The following TMEM132D variants were observed in gnomAD, a reference collection of about 807,000 sequenced individuals.
TMEM132D encodes the protein mature OL transmembrane protein.
TMEM132D carries 21 observed loss-of-function variants against 62.3 expected under a neutral mutation model. That is an observed-to-expected ratio of 0.34 (90% CI 0.24 to 0.49). The LOEUF (loss-of-function observed/expected upper bound fraction) is 0.49. TMEM132D is among the 20% of genes least tolerant of loss of function. TMEM132D has a pLI of 0.99. For missense variants in TMEM132D, 1,346 were observed against 1,402.8 expected (o/e 0.96, Z 0.65); for synonymous variants, 621 against 575.6 (o/e 1.08, Z -1.13).
chr12:129,498,546 A>G (rs1875032737), intron 3 of TMEM132D, among the ~76,000 whole-genome samples: 1 of 152,178 alleles, frequency 6.6e-6, no homozygotes, highest in African/African-American at 2.4e-5. Flanking sequence ...GAGCCTGTCC[A>G]AAATCTTTAT....
intron 5 of TMEM132D, among the ~76,000 whole-genome samples, chr12:129,170,833 A>C (rs1877703294): frequency 6.6e-6 from 1 of 152,164 alleles, no homozygotes; most frequent in Non-Finnish European, 1.5e-5. Flanking sequence ...ATTGATAAAA[A>C]TGCTAATGAT....
intron 2 of TMEM132D, among the ~76,000 whole-genome samples, chr12:129,608,062 C>G (rs1878676822): frequency 1.3e-5 from 2 of 152,110 alleles, no homozygotes; most frequent in Non-Finnish European, 2.9e-5. Flanking sequence ...TAACACATTG[C>G]AAGAAGAATA....
chr12:129,547,732 C>T (rs1876776404), intron 2 of TMEM132D, among the ~76,000 whole-genome samples: 1 of 152,152 alleles, frequency 6.6e-6, no homozygotes, highest in South Asian at 2.1e-4. Flanking sequence ...TCATAGTGTG[C>T]TGTTGGAGTG....
intron 4 of TMEM132D, among the ~76,000 whole-genome samples, chr12:129,222,593 G>T (rs1879377978): frequency 6.6e-6 from 1 of 152,118 alleles, no homozygotes; most frequent in Non-Finnish European, 1.5e-5. Flanking sequence ...ATATGATCAT[G>T]TTCCCCTTTT....
chr12:129,843,562 G>A (rs1261599625), intron 1 of TMEM132D, among the ~76,000 whole-genome samples: 1 of 152,184 alleles, frequency 6.6e-6, no homozygotes, highest in Non-Finnish European at 1.5e-5. Flanking sequence ...ATAACCTGCA[G>A]AAACAAAAAT....
intron 1 of TMEM132D, among the ~76,000 whole-genome samples, chr12:129,880,546 T>C (rs964719604): frequency 3.9e-5 from 6 of 152,162 alleles, no homozygotes; most frequent in African/African-American, 1.4e-4. Context: ...GTTTATAGCA[T>C]GCCCAAAAAT....
intron 3 of TMEM132D, among the ~76,000 whole-genome samples, chr12:129,503,171 C>A (rs1875209457): frequency 6.6e-6 from 1 of 152,202 alleles, no homozygotes; most frequent in Admixed American, 6.5e-5. Context: ...CAAACCTGTA[C>A]TTCCTTCCAG....
chr12:129,772,554 T>C (rs1870790239), intron 1 of TMEM132D, among the ~76,000 whole-genome samples: 1 of 152,174 alleles, frequency 6.6e-6, no homozygotes, highest in African/African-American at 2.4e-5. Flanking sequence ...CCATGAGTCA[T>C]AAATCCCGTG....
intron 5 of TMEM132D, among the ~76,000 whole-genome samples, chr12:129,106,531 G>C (rs140365879): frequency 2.7e-3 from 404 of 152,280 alleles, no homozygotes; most frequent in Non-Finnish European, 3.7e-3. Flanking sequence ...TCTGTCTCTT[G>C]ATTATACTCT....
intron 3 of TMEM132D, among the ~76,000 whole-genome samples, chr12:129,511,172 C>T (rs541376340): frequency 6.6e-6 from 1 of 152,276 alleles, no homozygotes; most frequent in South Asian, 2.1e-4. Flanking sequence ...CTTTTGTGCA[C>T]CTGTGAATTC....
At chr12:129,552,964 G>C (rs1876941678) in intron 2 of TMEM132D, among the ~76,000 whole-genome samples, 1 of 152,162 alleles carries the variant, frequency 6.6e-6, no homozygotes, top group Admixed American at 6.5e-5. Context: ...CCACGGTCCA[G>C]ATCCAACAAC....
At chr12:129,743,484 G>A (rs1869673205) in intron 1 of TMEM132D, among the ~76,000 whole-genome samples, 1 of 152,098 alleles carries the variant, frequency 6.6e-6, no homozygotes, top group African/African-American at 2.4e-5. Flanking sequence ...TTCCCCTTCT[G>A]CCATGGTTGT....
chr12:129,619,004 A>T (rs1379587559), intron 2 of TMEM132D, among the ~76,000 whole-genome samples: 1 of 152,222 alleles, frequency 6.6e-6, no homozygotes, highest in Non-Finnish European at 1.5e-5. Flanking sequence ...AGAAAGGAAT[A>T]ACTGGGTTGA....
chr12:129,629,622 T>C (rs534959407), intron 2 of TMEM132D, among the ~76,000 whole-genome samples: 1 of 152,224 alleles, frequency 6.6e-6, no homozygotes, highest in African/African-American at 2.4e-5. Context: ...TTATTCGTGG[T>C]GTTGCATTTT....
intron 5 of TMEM132D, among the ~76,000 whole-genome samples, chr12:129,086,561 G>C (rs1874628137): frequency 6.6e-6 from 1 of 151,584 alleles, no homozygotes; most frequent in African/African-American, 2.4e-5. Flanking sequence ...TACTCATGTT[G>C]CTACAAAAGA....
At chr12:129,654,295 T>TGG (rs1190579655) in intron 2 of TMEM132D, among the ~76,000 whole-genome samples, 1 of 33,456 alleles carries the variant, frequency 3.0e-5, no homozygotes, top group African/African-American at 6.8e-5. Flanking sequence ...TGTGTGTGTG[T>TGG]GAGTGTGTGT....
chr12:129,594,549 A>G (rs1396305235), intron 2 of TMEM132D, among the ~76,000 whole-genome samples: 1 of 152,234 alleles, frequency 6.6e-6, no homozygotes, highest in Non-Finnish European at 1.5e-5. Flanking sequence ...CCTTTACTCG[A>G]AAAGTGGCTA....
intron 2 of TMEM132D, among the ~76,000 whole-genome samples, chr12:129,664,607 A>G (rs1880330124): frequency 6.6e-6 from 1 of 151,714 alleles, no homozygotes; most frequent in South Asian, 2.1e-4. Context: ...TTGTATTTTT[A>G]GTAGAGACGG....
At chr12:129,720,042 G>A (rs142878096) in intron 1 of TMEM132D, among the ~76,000 whole-genome samples, 4 of 152,246 alleles carry the variant, frequency 2.6e-5, no homozygotes, top group Non-Finnish European at 4.4e-5. Context: ...ATAGAACCAA[G>A]TCTCGGAGTT....
Sources: gnomAD v4.1 joint callset for allele counts (sites outside exome capture counted in the v4.1 genomes callset) on GRCh38, gnomAD v4.1.1 for gene constraint, MANE v1.5 for transcripts, NCBI Gene and HGNC (gene_info 2026-07-23, HGNC 2026-07-21) for gene names.